The following JAKMIP1 variants were observed in gnomAD, a reference collection of about 807,000 sequenced individuals.
JAKMIP1 encodes janus kinase and microtubule-interacting protein 1.
Under a neutral mutation model 113.0 loss-of-function variants are expected in JAKMIP1, and 33 were observed. The ratio of observed to expected loss-of-function variants is 0.29; its 90% CI spans 0.22 to 0.39. The LOEUF is 0.39. JAKMIP1 is among the 10% of genes least tolerant of loss of function. The pLI is 1.00. For synonymous variants in JAKMIP1, 480 were observed against 459.9 expected, an observed-to-expected ratio of 1.04 and a Z score of -0.56; for missense variants, 813 against 1,080.5, an observed-to-expected ratio of 0.75 and a Z score of 3.47.
rs1484630908 is a variant in JAKMIP1, at chr4:6,067,459, C to T, written c.1303-2451G>A. The stretch of plus-strand genomic sequence containing the variant: ...GGAGACAATCATCTACTCAAATCTC[C>T]CCTCTGGATGAGAACCCCACCCGAC... On this transcript the variant is annotated intron_variant, in intron 8 of 20. Coordinates refer to ENST00000409021, the MANE Select transcript of JAKMIP1 (RefSeq NM_001099433.2). This position sits in a 1 kb window ranked among gnomAD's most constrained non-coding sequence, Gnocchi z 4.6. Among the ~76,000 whole-genome samples the T allele has an allele frequency of 1.3e-5, 2 of 152,178 alleles. No homozygotes were observed. The highest frequency in any genetic ancestry group is 4.8e-5 in the African/African-American group (2 of 41,418).
chr4:6,044,805 A>C lies in JAKMIP1; in HGVS notation c.2029-2578T>G, dbSNP rs73073416. 6.6e-6 allele frequency among the ~76,000 whole-genome samples: 1 copy of C among 152,224 alleles called. No homozygotes were observed. The highest frequency in any genetic ancestry group is 2.4e-5 in the African/African-American group (1 of 41,456). ...AACATGAAAGCAGAGAGAGCTGGCC[A>C]TGAGGACCCCCGACCACGTGAGATC... On this transcript the variant is annotated intron_variant, in intron 16 of 20. Coordinates refer to ENST00000409021, the MANE Select transcript of JAKMIP1 (RefSeq NM_001099433.2). This position sits in a 1 kb window ranked among gnomAD's most constrained non-coding sequence, Gnocchi z 4.4.
At chr4:6,058,108 T>C (rs1716740002) in intron 11 of JAKMIP1, among the ~76,000 whole-genome samples, 1 of 152,222 alleles carries the variant, frequency 6.6e-6, no homozygotes, top group African/African-American at 2.4e-5. Context: ...GCTTGCTGGA[T>C]GAATGGACAC....
intron 1 of JAKMIP1, among the ~76,000 whole-genome samples, chr4:6,152,311 C>T (rs1423954604): frequency 6.6e-6 from 1 of 152,240 alleles, no homozygotes; most frequent in Non-Finnish European, 1.5e-5. Flanking sequence ...TCCTCACTCA[C>T]TCATCCAAGC....
At chr4:6,048,976 C>T (rs1021254765) in intron 15 of JAKMIP1, 54 bp from the exon 16 acceptor site, 1 of 1,363,538 alleles carries the variant, frequency 7.3e-7, no homozygotes, top group East Asian at 2.3e-5. Context: ...AATCCACGTG[C>T]AGACAGTCAG....
chr4:6,195,191 G>A (rs1240646900), intron 1 of JAKMIP1, among the ~76,000 whole-genome samples: 2 of 152,222 alleles, frequency 1.3e-5, no homozygotes, highest in Non-Finnish European at 2.9e-5. Context: ...TAAGTCTGAT[G>A]TCAAAGCCTT....
In JAKMIP1 at chr4:6,168,020, C is replaced by T. The variant is rs937733234; in HGVS notation, c.-148+32233G>A. On this transcript the variant is annotated intron_variant, in intron 1 of 20. Transcript: ENST00000409021. The surrounding 1 kb of genome is among the most constrained non-coding windows in gnomAD (Gnocchi z 4.6). ...TCAACAGGGAAGACACACAAATGGC[C>T]AAGGAGCACCTGAAGAGACGCTCAA... Among the ~76,000 whole-genome samples, 2 of 152,108 alleles carry T rather than the reference C, an allele frequency of 1.3e-5. No individual in the cohort carries two copies. The highest frequency in any genetic ancestry group is 6.5e-5 in the Admixed American group (1 of 15,276).
At chr4:6,159,734 CAT>C (rs1004509955) in intron 1 of JAKMIP1, among the ~76,000 whole-genome samples, 17 of 152,310 alleles carry the variant, frequency 1.1e-4, no homozygotes, top group African/African-American at 3.1e-4. Flanking sequence ...CAAACTGGCA[CAT>C]GTTTTCTAGG....
At chr4:6,043,114 G>A (rs1445734935) in intron 16 of JAKMIP1, among the ~76,000 whole-genome samples, 1 of 152,030 alleles carries the variant, frequency 6.6e-6, no homozygotes, top group South Asian at 2.1e-4. Flanking sequence ...GGGTGTCCGG[G>A]TTTGACAACA....
At position 6,044,273 on chromosome 4, in the gene JAKMIP1, G is replaced by A. The variant is rs114054733; in HGVS notation, c.2029-2046C>T. ...TGCCTCCTGTTGGACTTCCTTGCCTGGCACAGGGCTTGACACAAGCAGGTG... is the reference window on the plus strand; with the variant it reads ...TGCCTCCTGTTGGACTTCCTTGCCTAGCACAGGGCTTGACACAAGCAGGTG... On this transcript the variant is annotated intron_variant, in intron 16 of 20. Coordinates refer to ENST00000409021, the MANE Select transcript of JAKMIP1 (RefSeq NM_001099433.2). The surrounding 1 kb of genome is among the most constrained non-coding windows in gnomAD (Gnocchi z 4.4). 0.011 allele frequency among the ~76,000 whole-genome samples: 1,701 copies of A among 152,218 alleles called. 23 individuals are homozygous for A. Among genetic ancestry groups the A allele is most frequent in the Middle Eastern group, 0.037 (11 of 294 alleles).
chr4:6,059,353 T>G lies in JAKMIP1; in HGVS notation c.1644+1071A>C, dbSNP rs930508889. ...ATTCTGAGCTGCCAGCTTTGCAGCT[T>G]TGCAGCTTTGCAGTGCTCTTCTGGA... is the stretch of plus-strand genomic sequence containing the variant. On this transcript the variant is annotated intron_variant, in intron 11 of 20. Coordinates refer to ENST00000409021, the MANE Select transcript of JAKMIP1 (RefSeq NM_001099433.2). The surrounding 1 kb of genome is among the most constrained non-coding windows in gnomAD (Gnocchi z 4.8). 6.6e-6 allele frequency among the ~76,000 whole-genome samples: 1 copy of G among 152,176 alleles called. No homozygotes were observed.
chr4:6,101,171 G>T (rs1187196806), intron 3 of JAKMIP1, among the ~76,000 whole-genome samples: 3 of 152,034 alleles, frequency 2.0e-5, no homozygotes, highest in African/African-American at 7.2e-5. Context: ...TAGCTATATT[G>T]TTTTACTTTT....
intron 13 of JAKMIP1, among the ~76,000 whole-genome samples, chr4:6,053,253 A>G (rs1002067336): frequency 6.6e-6 from 1 of 152,226 alleles, no homozygotes; most frequent in East Asian, 1.9e-4. Flanking sequence ...CAGTAAGACC[A>G]TTAGTATTCT....
At chr4:6,027,255 C>T (rs1007449563) in intron 20 of JAKMIP1, among the ~76,000 whole-genome samples, 2 of 152,014 alleles carry the variant, frequency 1.3e-5, no homozygotes, top group South Asian at 2.1e-4. Context: ...GAGTTCTTCT[C>T]CCCCCCAAAA....
At chr4:6,034,020 A>G (rs1713076187) in intron 19 of JAKMIP1, among the ~76,000 whole-genome samples, 1 of 151,850 alleles carries the variant, frequency 6.6e-6, no homozygotes, top group African/African-American at 2.4e-5. Flanking sequence ...CTGTGCCTTC[A>G]TCTCTCCCTC....
In JAKMIP1 at chr4:6,140,600, C is replaced by T. The variant is rs1363541087; in HGVS notation, c.-147-27603G>A. Among the ~76,000 whole-genome samples the T allele has an allele frequency of 3.9e-5, 6 of 152,074 alleles. No individual in the cohort carries two copies. Among genetic ancestry groups the T allele is most frequent in the Admixed American group, 6.6e-5 (1 of 15,266 alleles). On this transcript the variant is annotated intron_variant, in intron 1 of 20. Transcript: ENST00000409021. The surrounding 1 kb of genome is among the most constrained non-coding windows in gnomAD (Gnocchi z 9.4). ...GTTCACAGCGTAAGGACCTCTGTCC[C>T]CACTGCTCCTGGAGGGGTGGAGAAA...
intron 3 of JAKMIP1, among the ~76,000 whole-genome samples, chr4:6,091,233 A>T (rs1280639568): frequency 1.1e-5 from 1 of 87,406 alleles, no homozygotes; most frequent in East Asian, 3.7e-4. Context: ...CATCCACACA[A>T]TGAGATACCT....
chr4:6,039,733 C>T (rs1714066840), intron 18 of JAKMIP1, among the ~76,000 whole-genome samples: 1 of 152,202 alleles, frequency 6.6e-6, no homozygotes, highest in South Asian at 2.1e-4. Flanking sequence ...ACAGCCTCGA[C>T]AGGAAGGGAC....
chr4:6,043,418 C>A (rs191794999), intron 16 of JAKMIP1, among the ~76,000 whole-genome samples: 1 of 152,014 alleles, frequency 6.6e-6, no homozygotes, highest in Non-Finnish European at 1.5e-5. Context: ...GCCCTGCCCT[C>A]GGCCTTCTCC....
rs1187519060 is a variant in JAKMIP1, at chr4:6,163,341, T to C, written c.-148+36912A>G. Among the ~76,000 whole-genome samples, 9 of 152,364 alleles carry C rather than the reference T, an allele frequency of 5.9e-5. No homozygotes were observed. In the East Asian group the frequency reaches 1.3e-3, roughly 23 times the overall value. On this transcript the variant is annotated intron_variant, in intron 1 of 20. Coordinates refer to ENST00000409021, the MANE Select transcript of JAKMIP1 (RefSeq NM_001099433.2). ...TGCAATATTTCAAACATTTCCATTT[T>C]CCATCATGGTGATCTGTGACCAGTG...
Sources: gnomAD v4.1 joint callset for allele counts (sites outside exome capture counted in the v4.1 genomes callset) on GRCh38, gnomAD v4.1.1 for gene constraint, Gnocchi (gnomAD v3.1) non-coding constraint, MANE v1.5 for transcripts, NCBI Gene and HGNC (gene_info 2026-07-23, HGNC 2026-07-21) for gene names.